Variants in CTNNA3 observed in about 807,000 individuals in gnomAD.
The protein encoded by CTNNA3 is catenin alpha-3.
In CTNNA3, 76 loss-of-function variants were observed where a neutral mutation model predicts 95.7. That is an observed-to-expected ratio of 0.79 (90% CI 0.66 to 0.96). CTNNA3 has a LOEUF of 0.96. Ranked by LOEUF, CTNNA3 falls within the 40% of genes least tolerant of loss-of-function variation. The pLI, the probability that CTNNA3 is intolerant of heterozygous loss-of-function variation, is 0.00. For synonymous variants in CTNNA3, 431 were observed against 374.4 expected (o/e 1.15, Z -1.74); for missense variants, 1,191 against 1,089.8 (o/e 1.09, Z -1.31).
chr10:67,320,311 T>C (rs1432377115), intron 5 of CTNNA3, among the ~76,000 whole-genome samples: 1 of 152,086 alleles, frequency 6.6e-6, no homozygotes, highest in Admixed American at 6.6e-5. Context: ...ACAGAGCCAA[T>C]CTTTGAGTAT....
chr10:66,430,018 G>A (rs12264873), intron 11 of CTNNA3, among the ~76,000 whole-genome samples: 2 of 124,388 alleles, frequency 1.6e-5, no homozygotes, highest in East Asian at 4.6e-4. Context: ...CATCTCAGTC[G>A]AAAATCTCCT....
rs58323145 is a variant in CTNNA3, at chr10:66,820,642, TA to T, written c.1048-45119del. Among the ~76,000 whole-genome samples the T allele has an allele frequency of 9.5e-3, 1,231 of 129,450 alleles. 11 individuals are homozygous for T. Among genetic ancestry groups the T allele is most frequent in the African/African-American group, 0.022 (756 of 34,592 alleles). The allele number at this position is 129,450 out of a possible 152,430, so 84.9% of individuals were successfully genotyped here. On this transcript the variant is annotated intron_variant, in intron 7 of 17. Coordinates refer to ENST00000433211, the MANE Select transcript of CTNNA3 (RefSeq NM_013266.4). ...ACATACTCCAAAAAGGAAGTGAAAG[TA>T]AAAAAAAAAAAAAAAAATTGTCCAT... is the stretch of plus-strand genomic sequence containing the variant.
intron 7 of CTNNA3, among the ~76,000 whole-genome samples, chr10:67,088,804 G>T (rs1564883124): frequency 6.6e-6 from 1 of 151,920 alleles, no homozygotes; most frequent in African/African-American, 2.4e-5. Flanking sequence ...TTGAAAATCT[G>T]CAAATTTATA....
intron 9 of CTNNA3, among the ~76,000 whole-genome samples, chr10:66,712,537 A>C (rs895593349): frequency 3.3e-5 from 5 of 152,168 alleles, no homozygotes; most frequent in African/African-American, 1.2e-4. Context: ...AAATATGGAG[A>C]AGTTATTAAT....
intron 7 of CTNNA3, among the ~76,000 whole-genome samples, chr10:67,132,710 A>G (rs1413757392): frequency 1.3e-5 from 2 of 152,088 alleles, no homozygotes; most frequent in Admixed American, 6.6e-5. Context: ...AAAATGTCGT[A>G]TATATACACA....
At chr10:66,755,417 G>A (rs1274678142) in intron 9 of CTNNA3, among the ~76,000 whole-genome samples, 1 of 152,108 alleles carries the variant, frequency 6.6e-6, no homozygotes, top group African/African-American at 2.4e-5. Context: ...CAATCGAAAT[G>A]AGTGAATTGT....
At chr10:67,380,264 G>C (rs1382027940) in intron 5 of CTNNA3, among the ~76,000 whole-genome samples, 1 of 152,080 alleles carries the variant, frequency 6.6e-6, no homozygotes, top group Non-Finnish European at 1.5e-5. Context: ...GGTACGATGT[G>C]AGCAACATGA....
At chr10:66,580,000 ATTTCTGAGG>A (rs1051470272) in intron 10 of CTNNA3, among the ~76,000 whole-genome samples, 1 of 151,558 alleles carries the variant, frequency 6.6e-6, no homozygotes, top group African/African-American at 2.4e-5. Flanking sequence ...AGTCCCATAC[ATTTCTGAGG>A]TTGTGTTTTG....
intron 11 of CTNNA3, among the ~76,000 whole-genome samples, chr10:66,388,617 G>C (rs2092911793): frequency 6.6e-6 from 1 of 151,948 alleles, no homozygotes; most frequent in Non-Finnish European, 1.5e-5. Flanking sequence ...AAGAATTATA[G>C]ATGTAAGGTC....
intron 7 of CTNNA3, among the ~76,000 whole-genome samples, chr10:66,845,750 T>TACACACACAC (rs1430402942): frequency 3.1e-5 from 1 of 32,500 alleles, no homozygotes; most frequent in Non-Finnish European, 7.5e-5. Flanking sequence ...GAGATATATA[T>TACACACACAC]ACATACACAC....
intron 7 of CTNNA3, among the ~76,000 whole-genome samples, chr10:67,023,447 G>T (rs185021065): frequency 2.3e-3 from 349 of 152,192 alleles, no homozygotes; most frequent in Non-Finnish European, 3.7e-3. Flanking sequence ...CTTATCCATG[G>T]ATCTTCTATA....
In CTNNA3 at chr10:67,219,761, T is replaced by G. The variant is rs1287992680; in HGVS notation, c.689A>C (p.Asp230Ala). Residue 230 changes from aspartate (D) to alanine (A), a missense_variant, in exon 6 of 18, where the codon GAT (aspartate) becomes GCT (alanine). Transcript: ENST00000433211. ...CTTGCTTGCTTTGAGGGAAGCAACA[T>G]CAGAATGCTCCAAACAAGCTGAACA... ...SICSACLEHSDVASLKASKDT... is the reference protein window; with the variant it reads ...SICSACLEHSAVASLKASKDT... 6.2e-7 allele frequency: 1 copy of G among 1,614,042 alleles called. No homozygotes were observed. The highest frequency in any genetic ancestry group is 8.5e-7 in the Non-Finnish European group (1 of 1,180,012).
chr10:66,342,060 C>A (rs563841287), intron 12 of CTNNA3, among the ~76,000 whole-genome samples: 186 of 151,886 alleles, frequency 1.2e-3, no homozygotes, highest in African/African-American at 4.4e-3. Context: ...TACACAAGAT[C>A]ACACAGATTT....
rs77134858 is a variant in CTNNA3, at chr10:67,709,791, C to G, written c.-2+53643G>C. Among the ~76,000 whole-genome samples, 287 of 152,266 alleles carry G rather than the reference C, an allele frequency of 1.9e-3. 1 individual carries two copies. Among genetic ancestry groups the G allele is most frequent in the Middle Eastern group, 0.01 (3 of 294 alleles). On this transcript the variant is annotated intron_variant, in intron 1 of 17. Transcript: ENST00000684154. ...ATTTTCAGTGACCCCACTCTGGTCA[C>G]TGGCTATAAATTCCCACTTGCCCAT...
intron 15 of CTNNA3, among the ~76,000 whole-genome samples, chr10:66,055,681 C>T (rs968091086): frequency 2.0e-5 from 3 of 151,858 alleles, no homozygotes; most frequent in South Asian, 4.2e-4. Context: ...ACCAGCACTT[C>T]GGGAGGCCGA....
Position 66,692,675 on chromosome 10 carries a change from T to C in CTNNA3, c.1282-70891A>G, listed in dbSNP as rs557314416. On this transcript the variant is annotated intron_variant, in intron 9 of 17. Coordinates refer to ENST00000433211, the MANE Select transcript of CTNNA3 (RefSeq NM_013266.4). ...CACATAATTGTCAGATTCACCAAAG[T>C]TGAAATGAAGGAAAAAATGTTAAGG... is the stretch of plus-strand genomic sequence containing the variant. 1.9e-3 allele frequency among the ~76,000 whole-genome samples: 295 copies of C among 151,690 alleles called. 5 individuals are homozygous for C. The highest frequency in any genetic ancestry group is 6.2e-3 in the African/African-American group (258 of 41,352).
At chr10:66,490,511 G>A (rs899969721) in intron 11 of CTNNA3, among the ~76,000 whole-genome samples, 2 of 152,086 alleles carry the variant, frequency 1.3e-5, no homozygotes, top group East Asian at 3.9e-4. Flanking sequence ...ATTTTTCTAT[G>A]ATCTTATACA....
At chr10:66,718,215 T>C (rs1441869658) in intron 9 of CTNNA3, among the ~76,000 whole-genome samples, 2 of 152,220 alleles carry the variant, frequency 1.3e-5, no homozygotes, top group East Asian at 1.9e-4. Context: ...TTTCTCTCTG[T>C]CTCAATAATC....
chr10:67,245,452 A>C (rs1865868302), intron 5 of CTNNA3, among the ~76,000 whole-genome samples: 1 of 152,148 alleles, frequency 6.6e-6, no homozygotes, highest in African/African-American at 2.4e-5. Context: ...AGAGGTGATA[A>C]ATATTTACTT....
Sources: gnomAD v4.1 joint callset for allele counts (sites outside exome capture counted in the v4.1 genomes callset) on GRCh38, gnomAD v4.1.1 for gene constraint, MANE v1.5 for transcripts, NCBI Gene and HGNC (gene_info 2026-07-23, HGNC 2026-07-21) for gene names.